Variants in RELN observed in about 807,000 individuals in gnomAD.
The protein encoded by RELN is reelin.
RELN carries 108 observed loss-of-function variants against 427.6 expected under a neutral mutation model. The observed-to-expected ratio is 0.25, with a 90% CI of 0.22 to 0.30. The LOEUF (loss-of-function observed/expected upper bound fraction) is 0.30, where lower values mean the gene tolerates loss of function less well. Among genes scored for constraint, RELN ranks in the 10% least tolerant of loss-of-function variants. RELN has a pLI of 1.00. For missense variants in RELN, 3,715 were observed against 4,302.8 expected (o/e 0.86, Z 3.82); for synonymous variants, 1,524 against 1,513.4 (o/e 1.01, Z -0.16).
At chr7:103,773,570 A>C (rs982346219) in intron 4 of RELN, among the ~76,000 whole-genome samples, 2 of 151,568 alleles carry the variant, frequency 1.3e-5, no homozygotes, top group African/African-American at 4.8e-5. Flanking sequence ...CCCAGGTTCA[A>C]GCCATTCTCC....
At chr7:103,566,188 T>C in intron 33 of RELN, 36 bp downstream of exon 33, 1 of 1,525,070 alleles carries the variant, frequency 6.6e-7, no homozygotes, top group South Asian at 1.1e-5. Context: ...CTCTAGTTAA[T>C]CAGATATTTT....
In RELN at chr7:103,989,619, C is replaced by CCGCCGCCGCCTCTGCGCGA. The variant is rs1467649326; in HGVS notation, c.-282_-264dup. 2.3e-5 allele frequency: 8 copies of CCGCCGCCGCCTCTGCGCGA among 353,202 alleles called. No homozygotes were observed. Among genetic ancestry groups the CCGCCGCCGCCTCTGCGCGA allele is most frequent in the Admixed American group, 4.9e-5 (1 of 20,266 alleles). 21.9% of individuals were successfully genotyped at this position (353,202 alleles called of 1,614,324 possible). A position where few individuals can be genotyped will look rare whatever the true frequency, so the allele number is the denominator to read the frequency against. On this transcript the variant is annotated 5_prime_UTR_variant, in exon 1 of 65. Transcript: ENST00000428762. The surrounding 1 kb of genome is among the most constrained non-coding windows in gnomAD (Gnocchi z 4.9). The stretch of plus-strand genomic sequence containing the variant: ...GCGCGTCGTCTGCCGCCTCCGTGCG[C>CCGCCGCCGCCTCTGCGCGA]CGCCGCCGCCTCTGCGCGACGCCCC...
At chr7:103,483,877 A>AT (rs1395091447) in intron 61 of RELN, 27 bp from the exon 62 acceptor site, 1 of 1,600,164 alleles carries the variant, frequency 6.2e-7, no homozygotes, top group Admixed American at 1.7e-5. Context: ...AATCATCTTT[A>AT]TTTTTATTTA....
intron 1 of RELN, among the ~76,000 whole-genome samples, chr7:103,936,745 C>G (rs1584383029): frequency 2.8e-5 from 1 of 36,180 alleles, no homozygotes. Flanking sequence ...GACAGACAGA[C>G]ACACACACAC....
intron 2 of RELN, among the ~76,000 whole-genome samples, chr7:103,890,893 T>C (rs2116590403): frequency 6.6e-6 from 1 of 152,206 alleles, no homozygotes. Context: ...CTGACCAACA[T>C]GGTGAAACCC....
At chr7:103,868,763 T>C (rs1794259647) in intron 2 of RELN, among the ~76,000 whole-genome samples, 1 of 152,112 alleles carries the variant, frequency 6.6e-6, no homozygotes, top group African/African-American at 2.4e-5. Flanking sequence ...ATATATGTTA[T>C]TTAGGATCAC....
intron 4 of RELN, among the ~76,000 whole-genome samples, chr7:103,762,802 T>C (rs1290193867): frequency 2.0e-5 from 3 of 152,206 alleles, no homozygotes; most frequent in Admixed American, 1.3e-4. Flanking sequence ...TAAGGATGAA[T>C]TGTATAATCT....
intron 2 of RELN, among the ~76,000 whole-genome samples, chr7:103,840,181 A>C (rs776590649): frequency 3.9e-5 from 6 of 152,208 alleles, no homozygotes; most frequent in Non-Finnish European, 5.9e-5. Context: ...TCTTTATAGC[A>C]GTGTCAGAAT....
chr7:103,503,912 A>C (rs945476319), intron 51 of RELN, among the ~76,000 whole-genome samples: 29 of 151,502 alleles, frequency 1.9e-4, no homozygotes, highest in Non-Finnish European at 3.2e-4. Context: ...AAAAAAAAAA[A>C]AAAAAACTAG....
At chr7:103,716,028 C>T (rs1333075574) in intron 8 of RELN, among the ~76,000 whole-genome samples, 1 of 152,192 alleles carries the variant, frequency 6.6e-6, no homozygotes, top group Non-Finnish European at 1.5e-5. Flanking sequence ...AATCTGGAGA[C>T]AGCATTAGTA....
rs1830366158 is a variant in RELN, at chr7:103,549,459, G to C, written c.6302+1608C>G. Among the ~76,000 whole-genome samples, 2 of 152,152 alleles carry C rather than the reference G, an allele frequency of 1.3e-5. 1 individual carries two copies. Among genetic ancestry groups the C allele is most frequent in the South Asian group, 4.1e-4 (2 of 4,828 alleles). ...TCCATTACCTTCAGGGGAATGAATT[G>C]AGACATGTGAATTTCAACAAAAATT... On this transcript the variant is annotated intron_variant, in intron 41 of 64. Transcript: ENST00000428762.
chr7:103,732,528 C>G (rs545891793), intron 6 of RELN, among the ~76,000 whole-genome samples: 1 of 151,998 alleles, frequency 6.6e-6, no homozygotes, highest in Admixed American at 6.6e-5. Flanking sequence ...TCATGATGAA[C>G]ACAATGATCC....
chr7:103,752,160 T>C (rs1401266928), intron 5 of RELN, among the ~76,000 whole-genome samples: 2 of 152,200 alleles, frequency 1.3e-5, no homozygotes, highest in Non-Finnish European at 2.9e-5. Context: ...ATACCAACCC[T>C]ATGAGATAGA....
intron 49 of RELN, among the ~76,000 whole-genome samples, chr7:103,516,243 G>A (rs1430389708): frequency 1.3e-5 from 2 of 151,620 alleles, no homozygotes; most frequent in East Asian, 3.9e-4. Context: ...AATCTGTTGG[G>A]GAAGATAATG....
At position 103,887,420 on chromosome 7, in the gene RELN, T is replaced by A. The variant is rs571482959; in HGVS notation, c.337+29655A>T. ...CACAAGATCAAACCAAAAGATGAGT[T>A]GCAGAAGAGAGGGAAGTTTGCATGG... On this transcript the variant is annotated intron_variant, in intron 2 of 64. Transcript: ENST00000428762. 7.9e-5 allele frequency among the ~76,000 whole-genome samples: 12 copies of A among 152,268 alleles called. No individual in the cohort carries two copies. The East Asian group carries it at 1.9e-3, about 24-fold the overall frequency.
chr7:103,845,024 T>C (rs2116445049), intron 2 of RELN, among the ~76,000 whole-genome samples: 1 of 152,300 alleles, frequency 6.6e-6, no homozygotes, highest in Middle Eastern at 3.4e-3. Flanking sequence ...ATCTGATTAT[T>C]TTAACTGTAC....
intron 4 of RELN, among the ~76,000 whole-genome samples, chr7:103,764,081 G>A (rs1342200982): frequency 6.6e-6 from 1 of 152,184 alleles, no homozygotes; most frequent in Non-Finnish European, 1.5e-5. Flanking sequence ...CAATAGAGGG[G>A]TACAGATTTG....
At chr7:103,595,067 AT>A (rs1169767453) in intron 25 of RELN, among the ~76,000 whole-genome samples, 1 of 152,158 alleles carries the variant, frequency 6.6e-6, no homozygotes, top group African/African-American at 2.4e-5. Flanking sequence ...GTACATTCTC[AT>A]GTTAGTAAAA....
intron 6 of RELN, among the ~76,000 whole-genome samples, chr7:103,741,506 T>G (rs1790654729): frequency 6.6e-6 from 1 of 151,864 alleles, no homozygotes; most frequent in Non-Finnish European, 1.5e-5. Flanking sequence ...ATGTCTGGGC[T>G]TAGAAGGGAT....
Sources: gnomAD v4.1 joint callset for allele counts (sites outside exome capture counted in the v4.1 genomes callset) on GRCh38, gnomAD v4.1.1 for gene constraint, Gnocchi (gnomAD v3.1) non-coding constraint, MANE v1.5 for transcripts, NCBI Gene and HGNC (gene_info 2026-07-23, HGNC 2026-07-21) for gene names.